ABCA13: variants seen among roughly 807,000 people sequenced by gnomAD.
ABCA13 encodes the protein ATP-binding cassette sub-family A member 13.
In ABCA13, 476 loss-of-function variants were observed where a neutral mutation model predicts 478.7. The observed-to-expected ratio is 0.99, with a 90% CI of 0.92 to 1.07. ABCA13 has a LOEUF of 1.07. Ranked by LOEUF, ABCA13 falls within the 50% of genes least tolerant of loss-of-function variation. ABCA13 has a pLI of 0.00. For missense variants in ABCA13, 6,060 were observed against 5,910.6 expected (o/e 1.03, Z -0.83); for synonymous variants, 2,252 against 2,158.9 (o/e 1.04, Z -1.20).
chr7:48,191,073 A>AT (rs200297685), intron 1 of ABCA13, among the ~76,000 whole-genome samples: 39,130 of 151,968 alleles, frequency 0.26, 5,484 homozygotes, highest in East Asian at 0.49. Flanking sequence ...TATGAGGTAT[A>AT]TTTTTTATTT....
At chr7:48,475,868 C>T (rs1049304820) in intron 45 of ABCA13, among the ~76,000 whole-genome samples, 4 of 151,996 alleles carry the variant, frequency 2.6e-5, no homozygotes, top group Non-Finnish European at 5.9e-5. Flanking sequence ...GAAGCGACAC[C>T]GTTAGAAAAG....
At chr7:48,626,183 TA>T (rs1417106870) in intron 59 of ABCA13, among the ~76,000 whole-genome samples, 4 of 152,024 alleles carry the variant, frequency 2.6e-5, no homozygotes, top group East Asian at 3.9e-4. Flanking sequence ...GACACTCAAA[TA>T]AAAAAATTAT....
At chr7:48,277,559 A>G (rs938720798) in intron 17 of ABCA13, among the ~76,000 whole-genome samples, 13 of 152,194 alleles carry the variant, frequency 8.5e-5, no homozygotes, top group Admixed American at 3.3e-4. Context: ...CAAAATGGCT[A>G]TAACTCCCAT....
chr7:48,633,831 G>C (rs1338459417), intron 59 of ABCA13, among the ~76,000 whole-genome samples: 1 of 152,100 alleles, frequency 6.6e-6, no homozygotes, highest in Non-Finnish European at 1.5e-5. Context: ...AGAAATTGCA[G>C]TGAGCCAAGA....
At chr7:48,353,317 C>A (rs1253076940) in intron 31 of ABCA13, among the ~76,000 whole-genome samples, 1 of 151,558 alleles carries the variant, frequency 6.6e-6, no homozygotes, top group Non-Finnish European at 1.5e-5. Context: ...TGGCCTGGCT[C>A]TGGATAATGT....
chr7:48,213,597 G>A (rs561770004), intron 3 of ABCA13, among the ~76,000 whole-genome samples: 3 of 152,252 alleles, frequency 2.0e-5, no homozygotes, highest in South Asian at 2.1e-4. Flanking sequence ...CAGAAATGAA[G>A]TTTACTGCAT....
At chr7:48,442,647 T>C (rs1433505) in intron 42 of ABCA13, among the ~76,000 whole-genome samples, 39,415 of 152,166 alleles carry the variant, frequency 0.26, 5,544 homozygotes, top group Middle Eastern at 0.34. Flanking sequence ...AATTTAGTGA[T>C]CTCACAACTG....
At chr7:48,441,662 T>G (rs1303150903) in intron 42 of ABCA13, among the ~76,000 whole-genome samples, 1 of 152,162 alleles carries the variant, frequency 6.6e-6, no homozygotes, top group African/African-American at 2.4e-5. Context: ...AAGAAACTAT[T>G]TATTAGCTGC....
chr7:48,362,844 T>A (rs1811098408), intron 31 of ABCA13, among the ~76,000 whole-genome samples: 1 of 152,152 alleles, frequency 6.6e-6, no homozygotes, highest in East Asian at 1.9e-4. Flanking sequence ...CCTTTTGTAC[T>A]GTTAAAGACA....
intron 27 of ABCA13, among the ~76,000 whole-genome samples, chr7:48,332,120 C>A (rs1805502923): frequency 6.6e-6 from 1 of 152,106 alleles, no homozygotes; most frequent in African/African-American, 2.4e-5. Context: ...TATGCATGGT[C>A]CACAGTTTCT....
Position 48,180,587 on chromosome 7 carries a change from AT to A in ABCA13, c.69+9046del, listed in dbSNP as rs556891009. 6.5e-3 allele frequency among the ~76,000 whole-genome samples: 949 copies of A among 146,922 alleles called. 7 individuals carry two copies. Among genetic ancestry groups the A allele is most frequent in the African/African-American group, 0.021 (839 of 40,440 alleles). On this transcript the variant is annotated intron_variant, in intron 1 of 61. Coordinates refer to ENST00000435803, the MANE Select transcript of ABCA13 (RefSeq NM_152701.5). ...AGGTGCCACCCATCATGCCTGGCTA[AT>A]TTTTTTTTTTGTATTTTTAGTAGAG...
Position 48,507,885 on chromosome 7 carries a change from C to T in ABCA13, c.13360C>T (p.Arg4454Cys), listed in dbSNP as rs76060602. 6.3e-3 allele frequency: 10,198 copies of T among 1,608,952 alleles called. 41 individuals carry two copies. The highest frequency in any genetic ancestry group is 7.7e-3 in the Non-Finnish European group (9,027 of 1,177,514). Residue 4454 changes from arginine to cysteine, a missense_variant, in exon 50 of 62, where the codon CGT becomes TGT. Transcript: ENST00000435803. ...TTCCACCCGCAGCCTGGAGAGCATC[C>T]GTCAGTGTGGAGTGGCCCTCTGCAT... ...LNEDKILESIRQCGVALCIVL... is the reference protein window; with the variant it reads ...LNEDKILESICQCGVALCIVL...
chr7:48,425,476 T>C (rs1821274616), intron 41 of ABCA13, among the ~76,000 whole-genome samples: 1 of 152,226 alleles, frequency 6.6e-6, no homozygotes, highest in Non-Finnish European at 1.5e-5. Context: ...TTTAATTCCC[T>C]ATAAATGCAC....
intron 41 of ABCA13, among the ~76,000 whole-genome samples, chr7:48,426,661 C>T (rs764584511): frequency 3.3e-5 from 5 of 152,094 alleles, no homozygotes; most frequent in Admixed American, 6.5e-5. Context: ...TCTATGGATA[C>T]GTGCAGAGGA....
In ABCA13 at chr7:48,455,051, C is replaced by A. The variant is rs950973292; in HGVS notation, c.12580C>A (p.Arg4194=). 2 of 1,525,028 alleles carry A rather than the reference C, an allele frequency of 1.3e-6. No individual in the cohort carries two copies. Among genetic ancestry groups the A allele is most frequent in the Non-Finnish European group, 1.8e-6 (2 of 1,137,616 alleles). The allele number at this position is 1,525,028 out of a possible 1,614,324, so 94.5% of individuals were successfully genotyped here. Residue 4194 remains arginine, a synonymous_variant, in exon 43 of 62, where the codon CGG becomes AGG. Coordinates refer to ENST00000435803, the MANE Select transcript of ABCA13 (RefSeq NM_152701.5). ...CCGTCCTGCAGGTGGCTCCCTAGCA[C>A]GGCCCGCAACTGTGCAGGGCGTCCA... ...HLSGYCGSLA[R]PATVQGVQLL...
At chr7:48,211,909 C>T (rs1785714203) in intron 3 of ABCA13, among the ~76,000 whole-genome samples, 1 of 151,898 alleles carries the variant, frequency 6.6e-6, no homozygotes, top group Non-Finnish European at 1.5e-5. Flanking sequence ...AGCTCACTGC[C>T]TGGAGTTGGT....
chr7:48,433,834 A>C (rs1822473345), intron 42 of ABCA13, among the ~76,000 whole-genome samples: 1 of 152,060 alleles, frequency 6.6e-6, no homozygotes, highest in Admixed American at 6.6e-5. Flanking sequence ...ATCCATGTTG[A>C]AGCAAGTGAC....
At chr7:48,337,171 G>A (rs1400437907) in intron 28 of ABCA13, among the ~76,000 whole-genome samples, 1 of 152,126 alleles carries the variant, frequency 6.6e-6, no homozygotes, top group African/African-American at 2.4e-5. Context: ...AGTACCTTGG[G>A]TTTGTAGTAG....
chr7:48,606,823 T>C (rs538041372), intron 58 of ABCA13, among the ~76,000 whole-genome samples: 40 of 152,278 alleles, frequency 2.6e-4, no homozygotes, highest in African/African-American at 8.9e-4. Context: ...CAACCACCCC[T>C]TCCCCCAGGT....
Sources: gnomAD v4.1 joint callset for allele counts (sites outside exome capture counted in the v4.1 genomes callset) on GRCh38, gnomAD v4.1.1 for gene constraint, MANE v1.5 for transcripts, NCBI Gene and HGNC (gene_info 2026-07-23, HGNC 2026-07-21) for gene names.